The following PRKCH variants were observed in gnomAD, a reference collection of about 807,000 sequenced individuals.
PRKCH encodes the protein protein kinase C eta.
PRKCH carries 28 observed loss-of-function variants against 82.5 expected under a neutral mutation model. The observed-to-expected ratio is 0.34, with a 90% CI of 0.25 to 0.47. The LOEUF (loss-of-function observed/expected upper bound fraction) is 0.47. Ranked by LOEUF, PRKCH falls within the 20% of genes least tolerant of loss-of-function variation. PRKCH has a pLI of 1.00. For missense variants in PRKCH, 705 were observed against 881.8 expected (o/e 0.80, Z 2.54); for synonymous variants, 322 against 327.4 (o/e 0.98, Z 0.18).
At chr14:61,451,213 G>A (rs913185401) in intron 6 of PRKCH, among the ~76,000 whole-genome samples, 3 of 152,132 alleles carry the variant, frequency 2.0e-5, no homozygotes, top group African/African-American at 7.2e-5. Flanking sequence ...GATCTAGCTC[G>A]CTAGCTGACA....
intron 1 of PRKCH, among the ~76,000 whole-genome samples, chr14:61,211,359 C>T (rs1340296843): frequency 3.9e-5 from 6 of 152,202 alleles, no homozygotes; most frequent in Non-Finnish European, 7.3e-5. Flanking sequence ...AAACTTCTCT[C>T]GTGACCATCC....
chr14:61,405,617 A>T (rs1277831123), intron 2 of PRKCH, among the ~76,000 whole-genome samples: 1 of 152,204 alleles, frequency 6.6e-6, no homozygotes, highest in South Asian at 2.1e-4. Flanking sequence ...ATCTCAGGTG[A>T]TCGGCACCCC....
At position 61,252,090 on chromosome 14, in the gene PRKCH, A is replaced by G. The variant is rs568349255; in HGVS notation, c.-19+64422A>G. 1.3e-4 allele frequency among the ~76,000 whole-genome samples: 20 copies of G among 152,230 alleles called. No homozygotes were observed. The South Asian group carries it at 3.7e-3, about 28-fold the overall frequency. On this transcript the variant is annotated intron_variant, in intron 1 of 3. Transcript: ENST00000555185. ...CCTGACCTCGTGATCTGCCTGCCTC[A>G]GCCTCCCAAAGTGCTGGGATTACAG...
intron 1 of PRKCH, chr14:61,353,866 G>C (rs2046113093): frequency 6.6e-6 from 1 of 152,136 alleles, no homozygotes; most frequent in Non-Finnish European, 1.5e-5. Flanking sequence ...GAGCCCAGGA[G>C]TTTATGGTTA....
intron 1 of PRKCH, among the ~76,000 whole-genome samples, chr14:61,217,579 C>T (rs1324102832): frequency 6.6e-6 from 1 of 152,254 alleles, no homozygotes. Flanking sequence ...CCACATCTTC[C>T]CAACCTCTCC....
At chr14:61,492,403 G>C (rs979496605) in intron 10 of PRKCH, 1 of 152,308 alleles carries the variant, frequency 6.6e-6, no homozygotes, top group South Asian at 2.1e-4. Flanking sequence ...GTTGCTAAGG[G>C]CCAAGTTATC....
chr14:61,471,282 T>C (rs1196136208), intron 9 of PRKCH, among the ~76,000 whole-genome samples: 1 of 152,216 alleles, frequency 6.6e-6, no homozygotes, highest in African/African-American at 2.4e-5. Context: ...GCCAGGGTTC[T>C]GGCCGGTTTG....
chr14:61,286,319 T>G (rs147012675), intron 1 of PRKCH, among the ~76,000 whole-genome samples: 72 of 66,950 alleles, frequency 1.1e-3, no homozygotes, highest in Admixed American at 4.4e-3. Flanking sequence ...AAGAACTGCA[T>G]CCAGCAGACT....
intron 1 of PRKCH, among the ~76,000 whole-genome samples, chr14:61,203,784 T>C (rs1259498575): frequency 6.6e-6 from 1 of 151,996 alleles, no homozygotes; most frequent in Non-Finnish European, 1.5e-5. Flanking sequence ...GAGGCTGCAG[T>C]AAACCATGTT....
In PRKCH at chr14:61,305,089, G is replaced by C. The variant is rs566831385; in HGVS notation, c.-19+117421G>C. The C allele has an allele frequency of 4.0e-5, 6 of 151,868 alleles. No homozygotes were observed. In the South Asian group the frequency reaches 1.2e-3, roughly 32 times the overall value. 9.4% of individuals were successfully genotyped at this position (151,868 alleles called of 1,614,324 possible). ...TTGGAGTTTGTTGATTCTTCAATCT[G>C]TAGGCTGATGTTTTTCACCAAATTA... On this transcript the variant is annotated intron_variant, in intron 1 of 3. Transcript: ENST00000555185.
intron 1 of PRKCH, among the ~76,000 whole-genome samples, chr14:61,237,722 C>A (rs1282077078): frequency 1.3e-5 from 2 of 152,174 alleles, no homozygotes; most frequent in Non-Finnish European, 2.9e-5. Context: ...CTCCAGTTGT[C>A]CCCCTTTTCC....
chr14:61,431,042 C>T (rs879344400), intron 2 of PRKCH, among the ~76,000 whole-genome samples: 50 of 152,346 alleles, frequency 3.3e-4, no homozygotes, highest in African/African-American at 1.1e-3. Flanking sequence ...GCGTGAGCCG[C>T]GGCACCCGGC....
chr14:61,356,323 T>G (rs1194759002), intron 1 of PRKCH, among the ~76,000 whole-genome samples: 2 of 152,212 alleles, frequency 1.3e-5, no homozygotes, highest in Non-Finnish European at 2.9e-5. Context: ...CTTGTACCCA[T>G]TTTATCCTTG....
intron 1 of PRKCH, among the ~76,000 whole-genome samples, chr14:61,260,680 A>G (rs910913940): frequency 1.3e-5 from 2 of 152,230 alleles, no homozygotes; most frequent in Non-Finnish European, 2.9e-5. Flanking sequence ...ATGTTTGAAC[A>G]TCAATTAGTT....
chr14:61,232,097 G>T (rs1291621937), intron 1 of PRKCH, among the ~76,000 whole-genome samples: 1 of 152,200 alleles, frequency 6.6e-6, no homozygotes, highest in Non-Finnish European at 1.5e-5. Flanking sequence ...AGGTTGTTTC[G>T]CTTTTGCTTC....
At chr14:61,309,110 C>T (rs1374473456) in intron 1 of PRKCH, among the ~76,000 whole-genome samples, 8 of 152,044 alleles carry the variant, frequency 5.3e-5, no homozygotes, top group Admixed American at 1.3e-4. Flanking sequence ...TACCGAGACC[C>T]CGCCTCTACA....
At chr14:61,381,114 CAGAT>C (rs2046503620) in intron 1 of PRKCH, among the ~76,000 whole-genome samples, 1 of 152,116 alleles carries the variant, frequency 6.6e-6, no homozygotes, top group Non-Finnish European at 1.5e-5. Flanking sequence ...CTTAGAATAT[CAGAT>C]AGAAAAGGAT....
rs771788381 is a variant in PRKCH at position 61,530,379 on chromosome 14, A to G, written c.1573-28A>G. 4.7e-6 allele frequency: 7 copies of G among 1,485,258 alleles called. No homozygotes were observed. The African/African-American group carries it at 9.7e-5, about 21-fold the overall frequency. 92.0% of individuals were successfully genotyped at this position (1,485,258 alleles called of 1,614,324 possible). On this transcript the variant is annotated intron_variant, in intron 11 of 13. Coordinates refer to ENST00000332981, the MANE Select transcript of PRKCH (RefSeq NM_006255.5). ...CATTTGTTAATCTGATGTATGAACCACCTTCTCACGCTGCCCCCTTTGCAC... is the reference window on the plus strand; with the variant it reads ...CATTTGTTAATCTGATGTATGAACCGCCTTCTCACGCTGCCCCCTTTGCAC...
intron 7 of PRKCH, 133 bp downstream of exon 7, chr14:61,453,486 TTC>T: frequency 3.5e-6 from 3 of 866,940 alleles, no homozygotes; most frequent in Non-Finnish European, 4.9e-6. Flanking sequence ...TTGCCTTTCT[TTC>T]TTTCTTTCTC....
Sources: gnomAD v4.1 joint callset for allele counts (sites outside exome capture counted in the v4.1 genomes callset) on GRCh38, gnomAD v4.1.1 for gene constraint, MANE v1.5 for transcripts, NCBI Gene and HGNC (gene_info 2026-07-23, HGNC 2026-07-21) for gene names.